HECW2: variants seen among roughly 807,000 people sequenced by gnomAD.
HECW2 encodes the protein E3 ubiquitin-protein ligase HECW2.
HECW2 carries 61 observed loss-of-function variants against 175.2 expected under a neutral mutation model. That is an observed-to-expected ratio of 0.35 (90% CI 0.28 to 0.43). The LOEUF (loss-of-function observed/expected upper bound fraction) is 0.43, where lower values mean the gene tolerates loss of function less well. HECW2 is among the 20% of genes least tolerant of loss of function. The pLI, the probability that HECW2 is intolerant of heterozygous loss-of-function variation, is 1.00. For synonymous variants in HECW2, 671 were observed against 731.0 expected (o/e 0.92, Z 1.32); for missense variants, 1,524 against 2,000.5 (o/e 0.76, Z 4.54).
chr2:196,205,794 G>T (rs2105770559), intron 28 of HECW2, among the ~76,000 whole-genome samples: 1 of 152,220 alleles, frequency 6.6e-6, no homozygotes, highest in East Asian at 1.9e-4. Flanking sequence ...GATGCAGGTG[G>T]TCTCCACTAT....
chr2:196,556,531 A>G (rs1689800210), intron 1 of HECW2, among the ~76,000 whole-genome samples: 1 of 152,070 alleles, frequency 6.6e-6, no homozygotes, highest in South Asian at 2.1e-4. Context: ...ATTATGCAGT[A>G]TTTATCTTTC....
intron 1 of HECW2, among the ~76,000 whole-genome samples, chr2:196,556,303 G>A (rs546635830): frequency 2.6e-5 from 4 of 152,184 alleles, no homozygotes; most frequent in South Asian, 2.1e-4. Context: ...ATTTTGTGGC[G>A]AGAATATGTA....
At chr2:196,335,799 G>C (rs1692529692) in intron 3 of HECW2, among the ~76,000 whole-genome samples, 1 of 152,204 alleles carries the variant, frequency 6.6e-6, no homozygotes, top group Non-Finnish European at 1.5e-5. Context: ...TCATTGGCCA[G>C]AAGATTTTTA....
rs1474087597 is a variant in HECW2 at position 196,198,999 on chromosome 2, ATAAT to A, written c.*2274_*2277del. On this transcript the variant is annotated 3_prime_UTR_variant, in exon 29 of 29. Transcript: ENST00000644978. ...TAATAAAGAAATATATTTGTTAGAA[ATAAT>A]TAAAGAGATACATTTTATTTCAAAT... The A allele has an allele frequency of 6.6e-6, 1 of 152,218 alleles. No homozygotes were observed. Among genetic ancestry groups the A allele is most frequent in the African/African-American group, 2.4e-5 (1 of 41,472 alleles). 9.4% of individuals were successfully genotyped at this position (152,218 alleles called of 1,614,324 possible).
At chr2:196,575,631 G>A (rs1690534023) in intron 1 of HECW2, among the ~76,000 whole-genome samples, 1 of 152,156 alleles carries the variant, frequency 6.6e-6, no homozygotes, top group Non-Finnish European at 1.5e-5. Context: ...GATGACAGCT[G>A]TATTAGTCCA....
At chr2:196,244,200 G>A (rs1688564803) in intron 19 of HECW2, among the ~76,000 whole-genome samples, 1 of 152,142 alleles carries the variant, frequency 6.6e-6, no homozygotes, top group African/African-American at 2.4e-5. Context: ...TTGCTGGAGT[G>A]GGTTGGGGAA....
At chr2:196,422,769 A>T (rs1289621475) in intron 2 of HECW2, among the ~76,000 whole-genome samples, 1 of 152,110 alleles carries the variant, frequency 6.6e-6, no homozygotes, top group Non-Finnish European at 1.5e-5. Context: ...ATATGACCTA[A>T]AACAACTTTT....
intron 2 of HECW2, among the ~76,000 whole-genome samples, chr2:196,420,837 T>C (rs10172590): frequency 5.2e-4 from 79 of 152,104 alleles, no homozygotes; most frequent in African/African-American, 1.4e-3. Flanking sequence ...AATATGTCTA[T>C]GAAAAAAACA....
At chr2:196,552,731 G>GGCCAAGCA (rs1689645852) in intron 1 of HECW2, among the ~76,000 whole-genome samples, 1 of 152,094 alleles carries the variant, frequency 6.6e-6, no homozygotes, top group African/African-American at 2.4e-5. Flanking sequence ...CTCTGTGGCT[G>GGCCAAGCA]GCCAAGCATC....
intron 21 of HECW2, among the ~76,000 whole-genome samples, chr2:196,234,051 G>C (rs1688151441): frequency 6.6e-6 from 1 of 152,204 alleles, no homozygotes; most frequent in Non-Finnish European, 1.5e-5. Context: ...CCCAGTCAAA[G>C]TGTGGCTCTG....
In HECW2 at chr2:196,425,001, G is replaced by C. The variant is rs531419248; in HGVS notation, c.292+8131C>G. 1.1e-3 allele frequency among the ~76,000 whole-genome samples: 170 copies of C among 152,128 alleles called. 1 individual carries two copies. Among genetic ancestry groups the C allele is most frequent in the South Asian group, 4.4e-3 (21 of 4,814 alleles). On this transcript the variant is annotated intron_variant, in intron 2 of 28. Coordinates refer to ENST00000644978, the MANE Select transcript of HECW2 (RefSeq NM_001348768.2). ...GCTTAAAGAACAGATTGACTCTCTTGTTAGGGGCTCATACAGCTGGTGACT... is the reference window on the plus strand; with the variant it reads ...GCTTAAAGAACAGATTGACTCTCTTCTTAGGGGCTCATACAGCTGGTGACT...
chr2:196,334,828 T>A (rs189780629), intron 3 of HECW2, among the ~76,000 whole-genome samples: 31 of 152,356 alleles, frequency 2.0e-4, no homozygotes, highest in African/African-American at 7.0e-4. Context: ...TGCCACAATG[T>A]TATGTCTCAC....
At chr2:196,514,055 C>A (rs1015376828) in intron 1 of HECW2, among the ~76,000 whole-genome samples, 6 of 152,154 alleles carry the variant, frequency 3.9e-5, no homozygotes, top group Admixed American at 1.3e-4. Flanking sequence ...CCTCGCCCTC[C>A]CAGGTACAGC....
At chr2:196,495,832 T>C (rs1687374922) in intron 1 of HECW2, among the ~76,000 whole-genome samples, 1 of 152,144 alleles carries the variant, frequency 6.6e-6, no homozygotes, top group Non-Finnish European at 1.5e-5. Flanking sequence ...TTAGCAGATA[T>C]ACAGAGACAG....
intron 1 of HECW2, among the ~76,000 whole-genome samples, chr2:196,513,775 G>A (rs1458831685): frequency 6.6e-6 from 1 of 152,256 alleles, no homozygotes; most frequent in Non-Finnish European, 1.5e-5. Flanking sequence ...CACACCAGTG[G>A]TGCTCAAAGA....
chr2:196,414,367 CT>C (rs1274475300), intron 2 of HECW2, among the ~76,000 whole-genome samples: 1 of 152,180 alleles, frequency 6.6e-6, no homozygotes, highest in Non-Finnish European at 1.5e-5. Flanking sequence ...CCATTTCCAA[CT>C]TGAAAAATAA....
chr2:196,207,311 AGAGT>A (rs1687105431), intron 28 of HECW2, among the ~76,000 whole-genome samples: 2 of 152,364 alleles, frequency 1.3e-5, no homozygotes, highest in South Asian at 4.1e-4. Flanking sequence ...CCAATTAAAT[AGAGT>A]GATCGAATTC....
intron 10 of HECW2, among the ~76,000 whole-genome samples, chr2:196,311,759 T>C (rs565483978): frequency 6.6e-6 from 1 of 152,302 alleles, no homozygotes; most frequent in East Asian, 1.9e-4. Flanking sequence ...ATCACGCCAC[T>C]GCACTCCAGC....
chr2:196,563,255 T>C (rs1690067403), intron 1 of HECW2, among the ~76,000 whole-genome samples: 1 of 152,104 alleles, frequency 6.6e-6, no homozygotes, highest in Non-Finnish European at 1.5e-5. Flanking sequence ...TATAACGTTA[T>C]CTTAGTCACG....
Sources: allele counts gnomAD v4.1 joint callset (sites outside exome capture counted in the v4.1 genomes callset), GRCh38; gene constraint gnomAD v4.1.1; transcripts MANE v1.5; gene names NCBI Gene and HGNC (gene_info 2026-07-23, HGNC 2026-07-21).